APBB2: variants seen among roughly 807,000 people sequenced by gnomAD.
The protein encoded by APBB2 is Fe65-like 1.
APBB2 carries 38 observed loss-of-function variants against 82.5 expected under a neutral mutation model. The ratio of observed to expected loss-of-function variants is 0.46; its 90% CI spans 0.36 to 0.60. The LOEUF (loss-of-function observed/expected upper bound fraction) is 0.60, where lower values mean the gene tolerates loss of function less well. Among genes scored for constraint, APBB2 ranks in the 20% least tolerant of loss-of-function variants. The probability of loss-of-function intolerance (pLI) is 0.00; values close to 1 mark genes in which losing one functional copy is unlikely to be tolerated. For missense variants in APBB2, 772 were observed against 972.3 expected, an observed-to-expected ratio of 0.79 and a Z score of 2.74; for synonymous variants, 341 against 368.2, an observed-to-expected ratio of 0.93 and a Z score of 0.85.
intron 6 of APBB2, among the ~76,000 whole-genome samples, chr4:40,974,651 A>G (rs576901080): frequency 1.3e-5 from 2 of 152,328 alleles, no homozygotes; most frequent in East Asian, 1.9e-4. Flanking sequence ...TCTAATTCCA[A>G]TATCTCCATG....
chr4:41,072,056 G>C (rs966509741), intron 3 of APBB2, among the ~76,000 whole-genome samples: 2 of 152,166 alleles, frequency 1.3e-5, no homozygotes, highest in African/African-American at 4.8e-5. Context: ...TCAAAAGGAA[G>C]AGACTGCTGA....
rs34787320 is a variant in APBB2, at chr4:40,993,361, CT to C, written c.835+20221del. On this transcript the variant is annotated intron_variant, in intron 6 of 17. Coordinates refer to ENST00000508593, the MANE Select transcript of APBB2 (RefSeq NM_004307.2). ...CAGGAGCAATTAAGAACTCTTCTCT[CT>C]TTTTTTTTTTTTTTTTTTTTTTTAA... is the stretch of plus-strand genomic sequence containing the variant. 9.1e-3 allele frequency among the ~76,000 whole-genome samples: 1,041 copies of C among 114,600 alleles called. 6 individuals are homozygous for C. The highest frequency in any genetic ancestry group is 0.023 in the African/African-American group (645 of 28,466). The allele number at this position is 114,600 out of a possible 152,430, so 75.2% of individuals were successfully genotyped here. A position where few individuals can be genotyped will look rare whatever the true frequency, so the allele number is the denominator to read the frequency against.
At chr4:41,131,656 C>T (rs954306634) in intron 2 of APBB2, among the ~76,000 whole-genome samples, 6 of 152,096 alleles carry the variant, frequency 3.9e-5, no homozygotes, top group African/African-American at 1.2e-4. Flanking sequence ...ATTACTGAGT[C>T]GGATGAGGTA....
At chr4:40,926,102 C>T (rs141372568) in intron 10 of APBB2, among the ~76,000 whole-genome samples, 54 of 152,350 alleles carry the variant, frequency 3.5e-4, no homozygotes, top group African/African-American at 1.2e-3. Context: ...CTAGAAGATA[C>T]TGCATAGAAA....
At position 40,815,198 on chromosome 4, in the gene APBB2, A is replaced by G. The variant is rs1745293879; in HGVS notation, c.*894T>C. The G allele has an allele frequency of 6.6e-6, 1 of 152,642 alleles. No homozygotes were observed. The highest frequency in any genetic ancestry group is 6.5e-5 in the Admixed American group (1 of 15,284). 9.5% of individuals were successfully genotyped at this position (152,642 alleles called of 1,614,324 possible). A position where few individuals can be genotyped will look rare whatever the true frequency, so the allele number is the denominator to read the frequency against. On this transcript the variant is annotated 3_prime_UTR_variant, in exon 18 of 18. Coordinates refer to ENST00000508593, the MANE Select transcript of APBB2 (RefSeq NM_004307.2). ...TTGCATATCAGCTAATTCTCAAACT[A>G]AGGATGAAAGGCTGATGAGGAGTAT... is the stretch of plus-strand genomic sequence containing the variant.
At chr4:41,051,108 A>C (rs1419954204) in intron 4 of APBB2, among the ~76,000 whole-genome samples, 2 of 152,180 alleles carry the variant, frequency 1.3e-5, no homozygotes, top group Non-Finnish European at 2.9e-5. Context: ...GGAAGTCAGG[A>C]ATCAGGGCCA....
At chr4:40,959,862 C>T (rs1486325334) in intron 6 of APBB2, among the ~76,000 whole-genome samples, 3 of 152,166 alleles carry the variant, frequency 2.0e-5, no homozygotes, top group Admixed American at 6.5e-5. Flanking sequence ...CTCACTTGAT[C>T]CCACAAAATC....
At chr4:40,995,317 G>C (rs963839710) in intron 6 of APBB2, among the ~76,000 whole-genome samples, 1 of 152,114 alleles carries the variant, frequency 6.6e-6, no homozygotes, top group African/African-American at 2.4e-5. Context: ...TTTGGCTCCA[G>C]TGTTTCTTAT....
At chr4:41,091,246 AG>A (rs756619894) in intron 3 of APBB2, among the ~76,000 whole-genome samples, 62 of 152,308 alleles carry the variant, frequency 4.1e-4, no homozygotes, top group Non-Finnish European at 7.8e-4. Context: ...AGTCCTTGCG[AG>A]GTAATTGTCC....
In APBB2 at chr4:41,166,473, G is replaced by A. The variant is rs367569895; in HGVS notation, c.-416-23331C>T. Among the ~76,000 whole-genome samples, 24 of 151,980 alleles carry A rather than the reference G, an allele frequency of 1.6e-4. No homozygotes were observed. The East Asian group carries it at 2.9e-3, about 18-fold the overall frequency. ...TGTACCTGTAGTCCCAGCTACTGGC[G>A]AGGCTGAGGTGGAAGGATCACGTGA... On this transcript the variant is annotated intron_variant, in intron 1 of 17. Transcript: ENST00000508593.
rs982570958 is a variant in APBB2, at chr4:41,048,838, A to C, written c.-50-15534T>G. Among the ~76,000 whole-genome samples the C allele has an allele frequency of 1.1e-3, 164 of 152,142 alleles. 1 individual carries two copies. Among genetic ancestry groups the C allele is most frequent in the African/African-American group, 3.8e-3 (158 of 41,516 alleles). ...CAGGCGCGCGCTGCCACGCCGGACT[A>C]GTTTTCGTATTTTTTTGGTGGAGAC... On this transcript the variant is annotated intron_variant, in intron 4 of 17. Coordinates refer to ENST00000508593, the MANE Select transcript of APBB2 (RefSeq NM_004307.2).
chr4:40,913,920 G>A (rs1364905255), intron 10 of APBB2, among the ~76,000 whole-genome samples: 1 of 152,088 alleles, frequency 6.6e-6, no homozygotes, highest in Non-Finnish European at 1.5e-5. Flanking sequence ...ATGAGTTGAA[G>A]GTCAACGGAT....
At chr4:41,138,837 A>G (rs1758307301) in intron 2 of APBB2, among the ~76,000 whole-genome samples, 2 of 152,180 alleles carry the variant, frequency 1.3e-5, no homozygotes, top group African/African-American at 4.8e-5. Flanking sequence ...AAATACTAGC[A>G]AAGTCATACA....
At position 41,029,303 on chromosome 4, in the gene APBB2, A is replaced by G. The variant is rs115894324; in HGVS notation, c.19+3933T>C. ...TAAATAAAGCTGGCTTCCCGAAACTACTCATGAAAGGAAACCTTCAATGTG... is the reference window on the plus strand; with the variant it reads ...TAAATAAAGCTGGCTTCCCGAAACTGCTCATGAAAGGAAACCTTCAATGTG... On this transcript the variant is annotated intron_variant, in intron 5 of 17. Coordinates refer to ENST00000508593, the MANE Select transcript of APBB2 (RefSeq NM_004307.2). Among the ~76,000 whole-genome samples the G allele has an allele frequency of 9.3e-3, 1,420 of 152,334 alleles. 28 individuals are homozygous for G. The highest frequency in any genetic ancestry group is 0.032 in the African/African-American group (1,348 of 41,570).
At chr4:41,066,069 A>T (rs1731679661) in intron 3 of APBB2, among the ~76,000 whole-genome samples, 1 of 147,182 alleles carries the variant, frequency 6.8e-6, no homozygotes, top group Admixed American at 6.7e-5. Flanking sequence ...ATCCTATAAA[A>T]CTTTAAAAGC....
chr4:40,897,299 T>G (rs1000143406), intron 10 of APBB2, among the ~76,000 whole-genome samples: 36 of 152,114 alleles, frequency 2.4e-4, no homozygotes, highest in African/African-American at 7.9e-4. Flanking sequence ...AGGCCAGGAG[T>G]TCGAGACGAG....
intron 3 of APBB2, among the ~76,000 whole-genome samples, chr4:41,083,368 T>A (rs988695007): frequency 6.6e-6 from 1 of 151,938 alleles, no homozygotes; most frequent in South Asian, 2.1e-4. Flanking sequence ...TTACAGGTCA[T>A]TTTTTTCCAC....
At chr4:40,831,346 G>A (rs1399911814) in intron 12 of APBB2, among the ~76,000 whole-genome samples, 1 of 152,092 alleles carries the variant, frequency 6.6e-6, no homozygotes, top group Non-Finnish European at 1.5e-5. Flanking sequence ...AGGTTACAGT[G>A]AGCCGAGACT....
intron 10 of APBB2, among the ~76,000 whole-genome samples, chr4:40,897,128 C>G (rs1773889438): frequency 6.6e-6 from 1 of 152,210 alleles, no homozygotes; most frequent in African/African-American, 2.4e-5. Context: ...ATATTTTGAT[C>G]TAACAGCTCA....
Sources: allele counts gnomAD v4.1 joint callset (sites outside exome capture counted in the v4.1 genomes callset), GRCh38; gene constraint gnomAD v4.1.1; transcripts MANE v1.5; gene names NCBI Gene and HGNC (gene_info 2026-07-23, HGNC 2026-07-21).